FRMD5: variants seen among roughly 807,000 people sequenced by gnomAD.
FRMD5 encodes FERM domain containing 5.
In FRMD5, 20 loss-of-function variants were observed where a neutral mutation model predicts 69.0. That is an observed-to-expected ratio of 0.29 (90% CI 0.20 to 0.42). FRMD5 has a LOEUF of 0.42. FRMD5 is among the 10% of genes least tolerant of loss of function. The pLI, the probability that FRMD5 is intolerant of heterozygous loss-of-function variation, is 1.00. For missense variants in FRMD5, 595 were observed against 708.6 expected (o/e 0.84, Z 1.82); for synonymous variants, 271 against 260.1 (o/e 1.04, Z -0.40).
upstream of FRMD5, among the ~76,000 whole-genome samples, chr15:44,197,693 A>G (rs890700821): frequency 6.6e-6 from 1 of 151,688 alleles, no homozygotes; most frequent in Non-Finnish European, 1.5e-5. Flanking sequence ...AAAAAAAAAA[A>G]AAAAAGAAAG....
At chr15:43,917,681 G>C (rs2089417872) in intron 4 of FRMD5, 1 of 152,244 alleles carries the variant, frequency 6.6e-6, no homozygotes, top group South Asian at 2.1e-4. Context: ...CACCACACCT[G>C]GCCTGAAATT....
chr15:43,905,319 T>C (rs1282180998), intron 6 of FRMD5, among the ~76,000 whole-genome samples: 3 of 152,124 alleles, frequency 2.0e-5, no homozygotes, highest in Admixed American at 2.0e-4. Context: ...GTATTTTTAG[T>C]AGAGATGGGT....
intron 1 of FRMD5, among the ~76,000 whole-genome samples, chr15:44,087,268 G>A (rs183392155): frequency 2.0e-5 from 3 of 152,140 alleles, no homozygotes; most frequent in African/African-American, 7.2e-5. Context: ...AATCCACCCC[G>A]CCACAGCCTC....
At chr15:44,027,494 T>A (rs1317065612) in intron 1 of FRMD5, among the ~76,000 whole-genome samples, 6 of 152,200 alleles carry the variant, frequency 3.9e-5, no homozygotes, top group Non-Finnish European at 8.8e-5. Context: ...CAGTTTGGAT[T>A]CAGGTCAGGG....
chr15:44,069,622 A>T (rs967990997), intron 1 of FRMD5, among the ~76,000 whole-genome samples: 2 of 152,156 alleles, frequency 1.3e-5, no homozygotes, highest in African/African-American at 4.8e-5. Flanking sequence ...AAATTATAGA[A>T]ATGGGGAAAG....
At chr15:43,972,351 A>G (rs2090393926) in intron 1 of FRMD5, among the ~76,000 whole-genome samples, 1 of 152,128 alleles carries the variant, frequency 6.6e-6, no homozygotes, top group South Asian at 2.1e-4. Context: ...TTTGGGTTAA[A>G]TGGAATTTGT....
Position 44,058,431 on chromosome 15 carries a change from T to C in FRMD5, c.103-134122A>G, listed in dbSNP as rs527514662. Among the ~76,000 whole-genome samples, 11 of 152,318 alleles carry C rather than the reference T, an allele frequency of 7.2e-5. No individual in the cohort carries two copies. In the East Asian group the frequency reaches 7.7e-4, roughly 11 times the overall value. On this transcript the variant is annotated intron_variant, in intron 1 of 13. Coordinates refer to ENST00000417257, the MANE Select transcript of FRMD5 (RefSeq NM_032892.5). ...TTCTAAAATTATATTGTGGTGATGG[T>C]TGTACAACTCCGTGAATAAGCTTAA... is the stretch of plus-strand genomic sequence containing the variant.
chr15:43,946,397 C>T (rs995665025), intron 1 of FRMD5, among the ~76,000 whole-genome samples: 4 of 152,188 alleles, frequency 2.6e-5, no homozygotes, highest in African/African-American at 9.6e-5. Context: ...AAAGGGATAT[C>T]GTTCAGGCTG....
chr15:43,907,424 C>G (rs1435350858), intron 5 of FRMD5, among the ~76,000 whole-genome samples: 4 of 152,070 alleles, frequency 2.6e-5, no homozygotes, highest in Non-Finnish European at 5.9e-5. Context: ...CGCTGGAGTG[C>G]AGTGGCATGA....
intron 1 of FRMD5, chr15:43,989,760 G>T (rs968645593): frequency 3.0e-6 from 3 of 985,586 alleles, no homozygotes; most frequent in Non-Finnish European, 4.8e-6. Flanking sequence ...AGGTGTACAG[G>T]GACAGCACGG....
intron 1 of FRMD5, among the ~76,000 whole-genome samples, chr15:44,019,796 A>T (rs1891134771): frequency 6.6e-6 from 1 of 151,402 alleles, no homozygotes; most frequent in South Asian, 2.1e-4. Context: ...AAAGAAAGAA[A>T]AAAAAGAACA....
intron 1 of FRMD5, among the ~76,000 whole-genome samples, chr15:43,968,681 C>A (rs1285706667): frequency 6.6e-6 from 1 of 151,996 alleles, no homozygotes; most frequent in Non-Finnish European, 1.5e-5. Context: ...GGAATATATG[C>A]CGGGTGTTTT....
intron 1 of FRMD5, among the ~76,000 whole-genome samples, chr15:44,072,938 T>C (rs1893603409): frequency 6.6e-6 from 1 of 152,186 alleles, no homozygotes; most frequent in Non-Finnish European, 1.5e-5. Context: ...AAGACCAACC[T>C]GGGCAACATA....
At chr15:43,950,739 C>T (rs906737742) in intron 1 of FRMD5, among the ~76,000 whole-genome samples, 2 of 152,162 alleles carry the variant, frequency 1.3e-5, no homozygotes, top group African/African-American at 4.8e-5. Context: ...TCCTTACCAG[C>T]GACAGCAAAC....
chr15:43,897,722 A>C (rs150803209), intron 7 of FRMD5, among the ~76,000 whole-genome samples: 1 of 152,264 alleles, frequency 6.6e-6, no homozygotes, highest in African/African-American at 2.4e-5. Context: ...AACTTACATT[A>C]AATTTTTATA....
chr15:43,983,667 C>G (rs1019867979), intron 1 of FRMD5, among the ~76,000 whole-genome samples: 36 of 152,278 alleles, frequency 2.4e-4, no homozygotes, highest in Admixed American at 4.6e-4. Context: ...AAATCTAGCC[C>G]TAAACAAACT....
chr15:44,052,834 C>A (rs1892724948), intron 1 of FRMD5, among the ~76,000 whole-genome samples: 1 of 152,016 alleles, frequency 6.6e-6, no homozygotes, highest in Admixed American at 6.6e-5. Context: ...CATTCATTCA[C>A]AAATGTATAT....
At chr15:44,110,902 C>G (rs1248785865) in intron 1 of FRMD5, among the ~76,000 whole-genome samples, 2 of 152,150 alleles carry the variant, frequency 1.3e-5, no homozygotes, top group African/African-American at 4.8e-5. Context: ...CCTTTTCTAT[C>G]ACTAATAGCT....
intron 13 of FRMD5, among the ~76,000 whole-genome samples, chr15:43,877,235 C>T (rs2088387625): frequency 6.6e-6 from 1 of 152,198 alleles, no homozygotes. Context: ...CCCTGACAAT[C>T]CCAGACTGAA....
Sources: allele counts gnomAD v4.1 joint callset (sites outside exome capture counted in the v4.1 genomes callset), GRCh38; gene constraint gnomAD v4.1.1; transcripts MANE v1.5; gene names NCBI Gene and HGNC (gene_info 2026-07-23, HGNC 2026-07-21).